The following THSD7A variants were observed in gnomAD, a reference collection of about 807,000 sequenced individuals.
The protein encoded by THSD7A is thrombospondin type 1 domain containing 7A.
THSD7A carries 96 observed loss-of-function variants against 231.3 expected under a neutral mutation model. That is an observed-to-expected ratio of 0.41 (90% CI 0.35 to 0.49). The LOEUF (loss-of-function observed/expected upper bound fraction) is 0.49. THSD7A is among the 20% of genes least tolerant of loss of function. The pLI, the probability that THSD7A is intolerant of heterozygous loss-of-function variation, is 0.05. For missense variants in THSD7A, 2,290 were observed against 2,070.2 expected (o/e 1.11, Z -2.06); for synonymous variants, 940 against 743.3 (o/e 1.26, Z -4.30).
intron 1 of THSD7A, among the ~76,000 whole-genome samples, chr7:11,754,727 T>C (rs912859252): frequency 6.6e-6 from 1 of 152,158 alleles, no homozygotes; most frequent in African/African-American, 2.4e-5. Context: ...ATGTATTTCC[T>C]AGGACATGGT....
At chr7:11,676,296 A>G (rs773508683) in intron 1 of THSD7A, among the ~76,000 whole-genome samples, 7 of 152,304 alleles carry the variant, frequency 4.6e-5, no homozygotes, top group Non-Finnish European at 1.0e-4. Flanking sequence ...AGATAAATCC[A>G]TGAAGATGAG....
At chr7:11,774,430 T>A (rs1304496377) in intron 1 of THSD7A, among the ~76,000 whole-genome samples, 1 of 151,966 alleles carries the variant, frequency 6.6e-6, no homozygotes. Context: ...TAGTTAACAA[T>A]GTGATATTGT....
chr7:11,453,609 A>C (rs987731807), intron 11 of THSD7A, among the ~76,000 whole-genome samples: 3 of 151,988 alleles, frequency 2.0e-5, no homozygotes, highest in African/African-American at 7.2e-5. Context: ...TAGACCCTAG[A>C]AAATATTAAC....
At chr7:11,733,451 A>G (rs1308001805) in intron 1 of THSD7A, among the ~76,000 whole-genome samples, 1 of 151,964 alleles carries the variant, frequency 6.6e-6, no homozygotes, top group Non-Finnish European at 1.5e-5. Context: ...TATGGGTTCA[A>G]AAATAATGGA....
chr7:11,672,757 A>G (rs539164377), intron 1 of THSD7A, among the ~76,000 whole-genome samples: 1 of 152,320 alleles, frequency 6.6e-6, no homozygotes, highest in South Asian at 2.1e-4. Flanking sequence ...TGGAGGCATA[A>G]GGAAATATGT....
At chr7:11,450,174 A>G (rs889940049) in intron 11 of THSD7A, among the ~76,000 whole-genome samples, 13 of 152,050 alleles carry the variant, frequency 8.5e-5, no homozygotes, top group Non-Finnish European at 1.8e-4. Context: ...GTGACACCAA[A>G]AAGAAAAACA....
intron 6 of THSD7A, among the ~76,000 whole-genome samples, chr7:11,513,326 A>G (rs1787896183): frequency 7.1e-6 from 1 of 141,136 alleles, no homozygotes; most frequent in Non-Finnish European, 1.5e-5. Flanking sequence ...ATAAAATAAT[A>G]AAAAATAAAA....
At chr7:11,471,808 T>C (rs922461886) in intron 8 of THSD7A, among the ~76,000 whole-genome samples, 3 of 152,122 alleles carry the variant, frequency 2.0e-5, no homozygotes, top group South Asian at 4.1e-4. Context: ...GGAAACATTA[T>C]ATGGCAAAAC....
chr7:11,462,334 T>C (rs1234515033), intron 9 of THSD7A, among the ~76,000 whole-genome samples, 191 bp from the exon 10 acceptor site: 4 of 152,200 alleles, frequency 2.6e-5, no homozygotes, highest in Admixed American at 6.5e-5. Context: ...TCAATTCATA[T>C]TTAAAAATAG....
rs573854950 is a variant in THSD7A at position 11,544,840 on chromosome 7, T to A, written c.1454-1723A>T. On this transcript the variant is annotated intron_variant, in intron 4 of 27. Coordinates refer to ENST00000423059, the MANE Select transcript of THSD7A (RefSeq NM_015204.3). ...CCCCCACCACTCCCACACTCGCCAC[T>A]ACAGTGAAAATAAATAACTGGGCAC... 8.8e-5 allele frequency among the ~76,000 whole-genome samples: 4 copies of A among 45,396 alleles called. No homozygotes were observed. In the South Asian group the frequency reaches 3.1e-3, roughly 36 times the overall value. 29.8% of individuals were successfully genotyped at this position (45,396 alleles called of 152,430 possible).
chr7:11,831,748 C>A lies in THSD7A; in HGVS notation c.190+9G>T. 6.9e-7 allele frequency: 1 copy of A among 1,449,030 alleles called. No individual in the cohort carries two copies. Among genetic ancestry groups the A allele is most frequent in the Admixed American group, 2.4e-5 (1 of 41,462 alleles). 89.8% of individuals were successfully genotyped at this position (1,449,030 alleles called of 1,614,324 possible). A position where few individuals can be genotyped will look rare whatever the true frequency, so the allele number is the denominator to read the frequency against. On this transcript the variant is annotated intron_variant, in intron 1 of 27. Transcript: ENST00000423059. This position sits in a 1 kb window ranked among gnomAD's most constrained non-coding sequence, Gnocchi z 5.0. ...GAAGATGGGGAAAGGGTAACTCCGT[C>A]CCACTTACCAGTCTTCCACAGATAG...
At position 11,388,331 on chromosome 7, in the gene THSD7A, T is replaced by A. The variant is rs542401913; in HGVS notation, c.4412-5715A>T. On this transcript the variant is annotated intron_variant, in intron 23 of 27. Transcript: ENST00000423059. ...TGTGAATCCATCTGGTCCTGGACTTTTTGTGGTTGGTAGGCTATTAATTAG... is the reference window on the plus strand; with the variant it reads ...TGTGAATCCATCTGGTCCTGGACTTATTGTGGTTGGTAGGCTATTAATTAG... Among the ~76,000 whole-genome samples the A allele has an allele frequency of 1.9e-4, 29 of 152,262 alleles. No homozygotes were observed. In the South Asian group the frequency reaches 5.8e-3, roughly 31 times the overall value.
intron 1 of THSD7A, among the ~76,000 whole-genome samples, chr7:11,643,740 G>T (rs532523005): frequency 2.6e-5 from 4 of 151,924 alleles, no homozygotes; most frequent in Admixed American, 2.6e-4. Context: ...TTTTCTAACT[G>T]ATGTTCTATC....
Position 11,374,558 on chromosome 7 carries a change from A to G in THSD7A, c.*1236T>C, listed in dbSNP as rs1782187095. On this transcript the variant is annotated 3_prime_UTR_variant, in exon 28 of 28. Coordinates refer to ENST00000423059, the MANE Select transcript of THSD7A (RefSeq NM_015204.3). ...ATAATTTTGATTTCCTTTAGTTACAAAGGTCATTGATACATTATTTATTTT... is the reference window on the plus strand; with the variant it reads ...ATAATTTTGATTTCCTTTAGTTACAGAGGTCATTGATACATTATTTATTTT... 6.6e-6 allele frequency: 1 copy of G among 152,088 alleles called. No homozygotes were observed. The allele number at this position is 152,088 out of a possible 1,614,324, so 9.4% of individuals were successfully genotyped here.
intron 1 of THSD7A, among the ~76,000 whole-genome samples, chr7:11,767,389 A>C (rs1165536821): frequency 6.6e-6 from 1 of 152,068 alleles, no homozygotes; most frequent in African/African-American, 2.4e-5. Flanking sequence ...CAGCTTTTTT[A>C]CTGTTTCTCA....
intron 1 of THSD7A, among the ~76,000 whole-genome samples, chr7:11,796,998 G>A (rs959497208): frequency 6.6e-6 from 1 of 151,996 alleles, no homozygotes; most frequent in African/African-American, 2.4e-5. Context: ...TGACTTGAAT[G>A]TCTGAAAAAT....
chr7:11,464,324 C>T (rs186759458), intron 9 of THSD7A, among the ~76,000 whole-genome samples: 214 of 152,026 alleles, frequency 1.4e-3, no homozygotes, highest in African/African-American at 4.7e-3. Flanking sequence ...CAATTACTCT[C>T]CAATCTGCAG....
At chr7:11,507,083 A>C (rs1352981772) in intron 6 of THSD7A, among the ~76,000 whole-genome samples, 1 of 152,164 alleles carries the variant, frequency 6.6e-6, no homozygotes, top group East Asian at 1.9e-4. Context: ...TTTCTGAGTA[A>C]ATAAGTGAGC....
chr7:11,581,866 CATT>C (rs888297280), intron 4 of THSD7A, among the ~76,000 whole-genome samples: 1 of 151,996 alleles, frequency 6.6e-6, no homozygotes, highest in Non-Finnish European at 1.5e-5. Flanking sequence ...ATAAAGTTGG[CATT>C]ATTGACTAGA....
Sources: allele counts gnomAD v4.1 joint callset (sites outside exome capture counted in the v4.1 genomes callset), GRCh38; gene constraint gnomAD v4.1.1; non-coding constraint Gnocchi (gnomAD v3.1); transcripts MANE v1.5; gene names NCBI Gene and HGNC (gene_info 2026-07-23, HGNC 2026-07-21).